SORCS2: variants seen among roughly 807,000 people sequenced by gnomAD.
SORCS2 encodes the protein sortilin related VPS10 domain containing receptor 2.
SORCS2 carries 100 observed loss-of-function variants against 141.6 expected under a neutral mutation model. That is an observed-to-expected ratio of 0.71 (90% CI 0.60 to 0.83). SORCS2 has a LOEUF of 0.83. SORCS2 is among the 40% of genes least tolerant of loss of function. SORCS2 has a pLI of 0.00. For missense variants in SORCS2, 1,646 were observed against 1,560.2 expected (o/e 1.05, Z -0.93); for synonymous variants, 789 against 676.9 (o/e 1.17, Z -2.57).
In SORCS2 at chr4:7,652,277, C is replaced by T. The variant is rs79970835; in HGVS notation, c.814-1857C>T. ...CCACGGGCCACTGTGGAAAGGGGAG[C>T]GGCTCTGGGCCTTGCCCGTGGCCCT... On this transcript the variant is annotated intron_variant, in intron 4 of 26. Transcript: ENST00000507866. Among the ~76,000 whole-genome samples the T allele has an allele frequency of 5.8e-3, 888 of 152,272 alleles. 10 individuals carry two copies. The highest frequency in any genetic ancestry group is 0.02 in the African/African-American group (846 of 41,562).
intron 3 of SORCS2, among the ~76,000 whole-genome samples, chr4:7,555,926 C>G (rs1425612165): frequency 1.3e-5 from 2 of 152,234 alleles, no homozygotes; most frequent in South Asian, 2.1e-4. Flanking sequence ...AGGTGTGGAG[C>G]TGACATAACA....
chr4:7,239,853 G>A (rs984101561), intron 1 of SORCS2, among the ~76,000 whole-genome samples: 3 of 152,200 alleles, frequency 2.0e-5, no homozygotes, highest in African/African-American at 7.2e-5. Flanking sequence ...TGTCAATGAG[G>A]GTGAACAGCC....
chr4:7,487,116 G>A (rs894593546), intron 2 of SORCS2, among the ~76,000 whole-genome samples: 2 of 152,090 alleles, frequency 1.3e-5, no homozygotes, highest in Admixed American at 6.5e-5. Context: ...CCACCCTCCC[G>A]GGTGGTAACG....
chr4:7,437,922 C>G (rs1444590698), intron 2 of SORCS2, among the ~76,000 whole-genome samples: 1 of 152,164 alleles, frequency 6.6e-6, no homozygotes, highest in African/African-American at 2.4e-5. Flanking sequence ...TATATATTTG[C>G]ACGTAATTTT....
At chr4:7,599,477 G>C (rs923849068) in intron 3 of SORCS2, among the ~76,000 whole-genome samples, 1 of 152,184 alleles carries the variant, frequency 6.6e-6, no homozygotes, top group Admixed American at 6.5e-5. Context: ...ACGGGTGGCC[G>C]CTGGTGCCTT....
intron 12 of SORCS2, among the ~76,000 whole-genome samples, chr4:7,700,238 A>G (rs564620517): frequency 5.9e-5 from 9 of 152,198 alleles, no homozygotes; most frequent in Non-Finnish European, 1.2e-4. Context: ...TTTCCCTAAA[A>G]CAAAATGTCA....
chr4:7,332,503 G>A (rs1478035751), intron 1 of SORCS2, among the ~76,000 whole-genome samples: 1 of 152,124 alleles, frequency 6.6e-6, no homozygotes, highest in Non-Finnish European at 1.5e-5. Context: ...AGCTTCCCCC[G>A]ACCCACTGTG....
intron 2 of SORCS2, among the ~76,000 whole-genome samples, chr4:7,521,431 C>A (rs981401679): frequency 4.6e-5 from 7 of 152,166 alleles, no homozygotes; most frequent in Non-Finnish European, 2.9e-5. Flanking sequence ...GAATCTGGAG[C>A]GCCTTCTGGA....
intron 2 of SORCS2, among the ~76,000 whole-genome samples, chr4:7,514,756 G>A (rs940113573): frequency 6.6e-6 from 1 of 152,134 alleles, no homozygotes; most frequent in African/African-American, 2.4e-5. Flanking sequence ...CTTGGTGTCG[G>A]GGTTTTTACT....
intron 1 of SORCS2, among the ~76,000 whole-genome samples, chr4:7,376,805 A>AT (rs11416016): frequency 0.33 from 49,742 of 152,036 alleles, 8,640 homozygotes; most frequent in Non-Finnish European, 0.38. Context: ...TTTGCTGCTC[A>AT]TATAGTGTCT....
chr4:7,223,198 C>T (rs1033891527), intron 1 of SORCS2, among the ~76,000 whole-genome samples: 5 of 152,126 alleles, frequency 3.3e-5, no homozygotes. Context: ...TGGACATGAC[C>T]CACATTCTGA....
chr4:7,668,426 C>T (rs915326768), intron 8 of SORCS2, among the ~76,000 whole-genome samples: 1 of 152,052 alleles, frequency 6.6e-6, no homozygotes, highest in Admixed American at 6.5e-5. Context: ...GAAAATGGTT[C>T]GGGTGGAGGG....
Position 7,235,957 on chromosome 4 carries a change from C to T in SORCS2, c.480+42831C>T, listed in dbSNP as rs1049440103. The stretch of plus-strand genomic sequence containing the variant: ...TTGCCAAGCCTTGAAAGAGTCTCCA[C>T]GCACTCATAAATCTTTACTAGATGC... On this transcript the variant is annotated intron_variant, in intron 1 of 26. Coordinates refer to ENST00000507866, the MANE Select transcript of SORCS2 (RefSeq NM_020777.3). 3.9e-5 allele frequency among the ~76,000 whole-genome samples: 6 copies of T among 152,262 alleles called. No individual in the cohort carries two copies. In the East Asian group the frequency reaches 9.7e-4, roughly 25 times the overall value.
intron 4 of SORCS2, among the ~76,000 whole-genome samples, chr4:7,650,319 C>T (rs1044531127): frequency 1.3e-5 from 2 of 152,158 alleles, no homozygotes; most frequent in Non-Finnish European, 2.9e-5. Context: ...GCACCTGGAG[C>T]GGATCCTGCT....
At chr4:7,650,584 T>C (rs1721372987) in intron 4 of SORCS2, among the ~76,000 whole-genome samples, 1 of 152,148 alleles carries the variant, frequency 6.6e-6, no homozygotes, top group African/African-American at 2.4e-5. Context: ...CGCTCCCCTT[T>C]GAAACACTAC....
chr4:7,695,356 G>GTGGA (rs140095523), intron 11 of SORCS2, among the ~76,000 whole-genome samples: 1 of 37,258 alleles, frequency 2.7e-5, no homozygotes. Context: ...GGATTGGTGG[G>GTGGA]TGGATGGATG....
rs776390576 is a variant in SORCS2, at chr4:7,712,842, T to C, written c.1978T>C (p.Ser660Pro). The change falls in exon 15 of 27, where the codon TCC becomes CCC. Residue 660 changes from serine to proline, a missense_variant. Ser to Pro is a moderately conservative substitution (Grantham distance 74). Coordinates refer to ENST00000507866, the MANE Select transcript of SORCS2 (RefSeq NM_020777.3). ...GGAGGACTACAGCTCCTGGGAGCTC[T>C]CCAACCTGCAGGTGGGCCGGCATGA... ...GEEDYSSWEL[S>P]NLQGDRCIMG... is the part of the protein sequence containing the mutation. 2 of 1,613,796 alleles carry C rather than the reference T, an allele frequency of 1.2e-6. No individual in the cohort carries two copies. Among genetic ancestry groups the C allele is most frequent in the South Asian group, 1.1e-5 (1 of 91,066 alleles).
At chr4:7,485,495 G>C (rs909033986) in intron 2 of SORCS2, among the ~76,000 whole-genome samples, 5 of 152,246 alleles carry the variant, frequency 3.3e-5, no homozygotes, top group Non-Finnish European at 2.9e-5. Flanking sequence ...CGGGCCTCAT[G>C]TCTGCCTTTG....
intron 3 of SORCS2, among the ~76,000 whole-genome samples, chr4:7,575,656 A>G (rs1314066418): frequency 6.6e-6 from 1 of 152,244 alleles, no homozygotes; most frequent in Non-Finnish European, 1.5e-5. Flanking sequence ...CCCCAGTCAC[A>G]CTTTGAAGGC....
Sources: allele counts gnomAD v4.1 joint callset (sites outside exome capture counted in the v4.1 genomes callset), GRCh38; gene constraint gnomAD v4.1.1; transcripts MANE v1.5; gene names NCBI Gene and HGNC (gene_info 2026-07-23, HGNC 2026-07-21).